MCU: variants seen among roughly 807,000 people sequenced by gnomAD.
The protein encoded by MCU is calcium uniporter protein, mitochondrial.
MCU carries 12 observed loss-of-function variants against 45.2 expected under a neutral mutation model. The ratio of observed to expected loss-of-function variants is 0.27; its 90% CI spans 0.17 to 0.43. MCU has a LOEUF of 0.43. Ranked by LOEUF, MCU falls within the 20% of genes least tolerant of loss-of-function variation. The pLI is 1.00. For missense variants in MCU, 324 were observed against 436.7 expected, an observed-to-expected ratio of 0.74 and a Z score of 2.30; for synonymous variants, 160 against 165.1, an observed-to-expected ratio of 0.97 and a Z score of 0.24.
At chr10:72,748,205 G>A (rs191608817) in intron 1 of MCU, among the ~76,000 whole-genome samples, 173 of 152,044 alleles carry the variant, frequency 1.1e-3, no homozygotes, top group Non-Finnish European at 2.1e-3. Context: ...CCGCCACCAC[G>A]CCCAGCTAAT....
At chr10:72,865,249 A>G (rs964891232) in intron 4 of MCU, among the ~76,000 whole-genome samples, 1 of 152,206 alleles carries the variant, frequency 6.6e-6, no homozygotes, top group African/African-American at 2.4e-5. Flanking sequence ...CTTTATCTGT[A>G]TCCAGGAACT....
intron 1 of MCU, among the ~76,000 whole-genome samples, chr10:72,753,271 T>C (rs144858382): frequency 1.3e-5 from 2 of 152,334 alleles, no homozygotes; most frequent in East Asian, 3.9e-4. Context: ...ATGTAAAAAT[T>C]TTAAATGAGT....
chr10:72,785,945 G>A (rs1050343632), intron 1 of MCU, among the ~76,000 whole-genome samples: 15 of 152,290 alleles, frequency 9.8e-5, no homozygotes, highest in Middle Eastern at 3.4e-3. Flanking sequence ...AGATTCTAAA[G>A]AATAACATAT....
At chr10:72,855,593 A>G (rs536975626) in intron 2 of MCU, among the ~76,000 whole-genome samples, 31 of 152,288 alleles carry the variant, frequency 2.0e-4, no homozygotes, top group African/African-American at 6.7e-4. Flanking sequence ...AAAAAAAGAG[A>G]TTAAATTATA....
chr10:72,743,846 C>G (rs1340974348), intron 1 of MCU, among the ~76,000 whole-genome samples: 1 of 152,080 alleles, frequency 6.6e-6, no homozygotes, highest in African/African-American at 2.4e-5. Flanking sequence ...TAGTATATTT[C>G]TATATGAAAT....
At chr10:72,880,025 G>T (rs1468104865) in intron 6 of MCU, among the ~76,000 whole-genome samples, 2 of 152,190 alleles carry the variant, frequency 1.3e-5, no homozygotes, top group Non-Finnish European at 2.9e-5. Context: ...TCCAGCCTGG[G>T]TGACAGAGTG....
intron 1 of MCU, among the ~76,000 whole-genome samples, chr10:72,780,528 G>GTGTGTGTGTGTGTGTGTGTT (rs1843974772): frequency 6.6e-6 from 1 of 150,384 alleles, no homozygotes; most frequent in South Asian, 2.1e-4. Flanking sequence ...GTGTGTGTGT[G>GTGTGTGTGTGTGTGTGTGTT]TGTGTGTGTG....
intron 1 of MCU, among the ~76,000 whole-genome samples, chr10:72,781,598 G>A (rs961457042): frequency 1.3e-5 from 2 of 152,174 alleles, no homozygotes; most frequent in African/African-American, 2.4e-5. Context: ...ATGGTCATGT[G>A]CATCTGCAAA....
chr10:72,747,042 G>T (rs575819755), intron 1 of MCU, among the ~76,000 whole-genome samples: 1 of 152,040 alleles, frequency 6.6e-6, no homozygotes, highest in African/African-American at 2.4e-5. Context: ...AAAATATAAC[G>T]AAAAAGTTAG....
At chr10:72,805,423 T>C (rs1844432420) in intron 1 of MCU, among the ~76,000 whole-genome samples, 1 of 151,710 alleles carries the variant, frequency 6.6e-6, no homozygotes, top group Non-Finnish European at 1.5e-5. Flanking sequence ...TAATTTTTTG[T>C]ATTTTAGTGA....
intron 4 of MCU, among the ~76,000 whole-genome samples, chr10:72,866,710 G>A (rs1845462902): frequency 6.6e-6 from 1 of 152,042 alleles, no homozygotes; most frequent in African/African-American, 2.4e-5. Flanking sequence ...ATAAATACAT[G>A]GGGAAGATGG....
At chr10:72,707,391 G>A (rs545357773) in intron 1 of MCU, among the ~76,000 whole-genome samples, 1 of 151,708 alleles carries the variant, frequency 6.6e-6, no homozygotes, top group African/African-American at 2.4e-5. Flanking sequence ...TAGAGTCGGG[G>A]TTTCACCTTT....
At chr10:72,776,703 A>G (rs1485675843) in intron 1 of MCU, among the ~76,000 whole-genome samples, 1 of 151,236 alleles carries the variant, frequency 6.6e-6, no homozygotes, top group Non-Finnish European at 1.5e-5. Context: ...GCATAATACT[A>G]GAAGTCCTGG....
intron 5 of MCU, among the ~76,000 whole-genome samples, chr10:72,870,665 C>T (rs1209202345): frequency 6.6e-6 from 1 of 152,216 alleles, no homozygotes; most frequent in Non-Finnish European, 1.5e-5. Context: ...CTGAATTGAG[C>T]TGCTTTAAAT....
At chr10:72,721,486 C>T (rs893671267) in intron 1 of MCU, among the ~76,000 whole-genome samples, 1 of 152,192 alleles carries the variant, frequency 6.6e-6, no homozygotes, top group Non-Finnish European at 1.5e-5. Flanking sequence ...GCCACTTTCC[C>T]TCTTGCCCAC....
chr10:72,850,524 T>C (rs1845192526), intron 2 of MCU, among the ~76,000 whole-genome samples: 1 of 152,238 alleles, frequency 6.6e-6, no homozygotes, highest in Admixed American at 6.5e-5. Flanking sequence ...TCATACTATA[T>C]ATTTTTACAA....
At chr10:72,755,811 C>T (rs1488464610) in intron 1 of MCU, among the ~76,000 whole-genome samples, 4 of 150,334 alleles carry the variant, frequency 2.7e-5, no homozygotes, top group Non-Finnish European at 5.9e-5. Context: ...AGAGTACTTG[C>T]TTTAGGGATA....
At position 72,743,196 on chromosome 10, in the gene MCU, G is replaced by A. The variant is rs141078563; in HGVS notation, c.150+50895G>A. 3.2e-3 allele frequency among the ~76,000 whole-genome samples: 482 copies of A among 151,914 alleles called. 3 individuals carry two copies. Among genetic ancestry groups the A allele is most frequent in the African/African-American group, 0.011 (455 of 41,404 alleles). On this transcript the variant is annotated intron_variant, in intron 1 of 7. Coordinates refer to ENST00000373053, the MANE Select transcript of MCU (RefSeq NM_138357.3). ...GGCTGAGGCAGGTGGATTACCTGAGGTCAGGAGTTTGAGACCAGCCTGGTC... is the reference window on the plus strand; with the variant it reads ...GGCTGAGGCAGGTGGATTACCTGAGATCAGGAGTTTGAGACCAGCCTGGTC...
At chr10:72,737,865 G>A (rs1843272719) in intron 1 of MCU, among the ~76,000 whole-genome samples, 1 of 152,088 alleles carries the variant, frequency 6.6e-6, no homozygotes, top group African/African-American at 2.4e-5. Context: ...AAGTTCAAGA[G>A]TGAGCTGTAT....
Sources: gnomAD v4.1 joint callset for allele counts (sites outside exome capture counted in the v4.1 genomes callset) on GRCh38, gnomAD v4.1.1 for gene constraint, MANE v1.5 for transcripts, NCBI Gene and HGNC (gene_info 2026-07-23, HGNC 2026-07-21) for gene names.